Variants in DLG2 observed in about 807,000 individuals in gnomAD.
DLG2 encodes disks large homolog 2.
DLG2 carries 45 observed loss-of-function variants against 132.5 expected under a neutral mutation model. The observed-to-expected ratio is 0.34, with a 90% CI of 0.27 to 0.44. The LOEUF (loss-of-function observed/expected upper bound fraction) is 0.44, where lower values mean the gene tolerates loss of function less well. Ranked by LOEUF, DLG2 falls within the 20% of genes least tolerant of loss-of-function variation. The probability of loss-of-function intolerance (pLI) is 1.00; values close to 1 mark genes in which losing one functional copy is unlikely to be tolerated. For missense variants in DLG2, 1,045 were observed against 1,196.9 expected, an observed-to-expected ratio of 0.87 and a Z score of 1.87; for synonymous variants, 424 against 419.6, an observed-to-expected ratio of 1.01 and a Z score of -0.13.
At chr11:84,553,721 G>A (rs1232638746) in intron 6 of DLG2, among the ~76,000 whole-genome samples, 1 of 152,192 alleles carries the variant, frequency 6.6e-6, no homozygotes, top group Non-Finnish European at 1.5e-5. Flanking sequence ...CTTTCCTTGA[G>A]AAGGTTGGTA....
At position 83,928,422 on chromosome 11, in the gene DLG2, G is replaced by C. The variant is rs572070643; in HGVS notation, c.1496+1906C>G. Among the ~76,000 whole-genome samples the C allele has an allele frequency of 2.2e-3, 330 of 152,110 alleles. 2 individuals are homozygous for C. The highest frequency in any genetic ancestry group is 7.5e-3 in the African/African-American group (310 of 41,484). On this transcript the variant is annotated intron_variant, in intron 15 of 27. Coordinates refer to ENST00000376104, the MANE Select transcript of DLG2 (RefSeq NM_001142699.3). ...ACTTCTTCGTGAATTTTTCAGGAAG[G>C]ATGCTTCAAAATCCCCATTGGAATG...
intron 7 of DLG2, among the ~76,000 whole-genome samples, chr11:84,327,757 T>C (rs2098439677): frequency 6.6e-6 from 1 of 152,198 alleles, no homozygotes. Flanking sequence ...AATTACGTCT[T>C]TTTATATTAT....
chr11:84,356,692 C>T (rs2154417269), intron 7 of DLG2, among the ~76,000 whole-genome samples: 1 of 152,058 alleles, frequency 6.6e-6, no homozygotes, highest in Non-Finnish European at 1.5e-5. Context: ...TTGATGTTTT[C>T]TTATTCTAAT....
chr11:84,814,569 C>T, intron 6 of DLG2, among the ~76,000 whole-genome samples: 1 of 152,060 alleles, frequency 6.6e-6, no homozygotes. Flanking sequence ...CCCTCCACAG[C>T]CTTCATACTC....
At chr11:83,602,517 C>T (rs1257569521) in intron 19 of DLG2, among the ~76,000 whole-genome samples, 4 of 152,248 alleles carry the variant, frequency 2.6e-5, no homozygotes, top group Non-Finnish European at 4.4e-5. Flanking sequence ...ATCTCTAACA[C>T]TGCCTCCCTG....
intron 21 of DLG2, among the ~76,000 whole-genome samples, chr11:83,520,249 G>T (rs914928117): frequency 6.6e-6 from 1 of 152,166 alleles, no homozygotes; most frequent in African/African-American, 2.4e-5. Context: ...GACAGTAATT[G>T]GAAAAGTTCT....
chr11:84,749,181 G>A (rs552167019), intron 6 of DLG2, among the ~76,000 whole-genome samples: 6 of 152,162 alleles, frequency 3.9e-5, no homozygotes, highest in Admixed American at 2.0e-4. Flanking sequence ...CCTGACTCCA[G>A]GCTTTTCTTC....
chr11:84,894,393 A>G (rs1290280663), intron 6 of DLG2, among the ~76,000 whole-genome samples: 1 of 152,012 alleles, frequency 6.6e-6, no homozygotes, highest in East Asian at 1.9e-4. Context: ...AGCTTCATGA[A>G]TTGCCATTTC....
chr11:83,808,128 G>A (rs1230392280), intron 17 of DLG2, among the ~76,000 whole-genome samples: 1 of 152,036 alleles, frequency 6.6e-6, no homozygotes, highest in Non-Finnish European at 1.5e-5. Flanking sequence ...TCAGTAAACA[G>A]CCCCCTCCAG....
At chr11:83,646,357 C>CAGAGTGAGAGAGAGAGAGAGAG (rs113642329) in intron 18 of DLG2, among the ~76,000 whole-genome samples, 13 of 126,292 alleles carry the variant, frequency 1.0e-4, no homozygotes, top group African/African-American at 2.7e-4. Context: ...AGATATGAAA[C>CAGAGTGAGAGAGAGAGAGAGAG]AGAGAGAGAG....
At chr11:85,076,278 A>C (rs2066536671) in intron 6 of DLG2, among the ~76,000 whole-genome samples, 1 of 151,976 alleles carries the variant, frequency 6.6e-6, no homozygotes, top group Admixed American at 6.6e-5. Flanking sequence ...TATTTGGGTT[A>C]GTCTGAAAAC....
At chr11:83,624,925 G>A (rs1341577390) in intron 19 of DLG2, among the ~76,000 whole-genome samples, 2 of 152,048 alleles carry the variant, frequency 1.3e-5, no homozygotes, top group South Asian at 2.1e-4. Flanking sequence ...ACTGTTTCAG[G>A]TACCTGATCA....
intron 6 of DLG2, among the ~76,000 whole-genome samples, chr11:84,662,497 T>C (rs1056699191): frequency 1.1e-4 from 16 of 151,276 alleles, no homozygotes; most frequent in African/African-American, 3.6e-4. Context: ...TTAAAAGCAG[T>C]CATGGCCCAG....
At chr11:84,349,761 A>C (rs2098554343) in intron 7 of DLG2, among the ~76,000 whole-genome samples, 1 of 152,188 alleles carries the variant, frequency 6.6e-6, no homozygotes, top group Non-Finnish European at 1.5e-5. Flanking sequence ...CAATGTGGTC[A>C]CTTTTGGCAG....
At chr11:84,789,047 C>G (rs1026782631) in intron 6 of DLG2, among the ~76,000 whole-genome samples, 1 of 152,140 alleles carries the variant, frequency 6.6e-6, no homozygotes, top group Non-Finnish European at 1.5e-5. Flanking sequence ...GGAAGTGAAA[C>G]AAAGAGAGAC....
chr11:83,548,023 A>G (rs1183245891), intron 19 of DLG2, among the ~76,000 whole-genome samples: 4 of 152,166 alleles, frequency 2.6e-5, no homozygotes, highest in African/African-American at 9.7e-5. Context: ...GGAAATCTGG[A>G]CTTGGAGAAT....
intron 7 of DLG2, among the ~76,000 whole-genome samples, chr11:84,377,766 T>A (rs906453219): frequency 6.6e-6 from 1 of 152,172 alleles, no homozygotes; most frequent in Non-Finnish European, 1.5e-5. Flanking sequence ...AAAACATATA[T>A]ATTTTAATGT....
At chr11:85,021,506 T>C in intron 6 of DLG2, 1 of 1,506,598 alleles carries the variant, frequency 6.6e-7, no homozygotes, top group South Asian at 1.1e-5. Context: ...GCAAAGCCGT[T>C]ATGAACAGAG....
At chr11:84,731,844 A>G (rs542061952) in intron 6 of DLG2, among the ~76,000 whole-genome samples, 19 of 152,194 alleles carry the variant, frequency 1.2e-4, no homozygotes, top group Non-Finnish European at 2.5e-4. Context: ...ATACGTATAC[A>G]TCTGTGAAAC....
Sources: gnomAD v4.1 joint callset for allele counts (sites outside exome capture counted in the v4.1 genomes callset) on GRCh38, gnomAD v4.1.1 for gene constraint, MANE v1.5 for transcripts, NCBI Gene and HGNC (gene_info 2026-07-23, HGNC 2026-07-21) for gene names.